PDS5A: variants seen among roughly 807,000 people sequenced by gnomAD.
PDS5A encodes PDS5 cohesin associated factor A, also known as sister chromatid cohesion protein PDS5 homolog A.
PDS5A carries 42 observed loss-of-function variants against 167.1 expected under a neutral mutation model. The observed-to-expected ratio is 0.25, with a 90% confidence interval of 0.20 to 0.33. The LOEUF (loss-of-function observed/expected upper bound fraction) is 0.33. PDS5A is among the 10% of genes least tolerant of loss of function. The probability of loss-of-function intolerance (pLI) is 1.00; values close to 1 mark genes in which losing one functional copy is unlikely to be tolerated. For synonymous variants in PDS5A, 553 were observed against 554.6 expected, an observed-to-expected ratio of 1.00 and a Z score of 0.04; for missense variants, 1,033 against 1,605.9, an observed-to-expected ratio of 0.64 and a Z score of 6.10.
intron 9 of PDS5A, among the ~76,000 whole-genome samples, chr4:39,911,395 CA>C (rs140894540): frequency 0.38 from 49,402 of 128,396 alleles, 8,948 homozygotes; most frequent in East Asian, 0.67. Flanking sequence ...GACTCCGTCT[CA>C]AAAAAAAAAA....
intron 22 of PDS5A, among the ~76,000 whole-genome samples, chr4:39,867,734 AC>A (rs1315978818): frequency 1.0e-3 from 2 of 1,960 alleles, no homozygotes; most frequent in Admixed American, 0.012. Context: ...AAAAACCAAA[AC>A]ACACACACAC....
intron 11 of PDS5A, among the ~76,000 whole-genome samples, chr4:39,906,127 A>G (rs1008471400): frequency 6.6e-6 from 1 of 152,154 alleles, no homozygotes; most frequent in East Asian, 1.9e-4. Flanking sequence ...TGGGAGGTGG[A>G]GGTGGAAGCA....
intron 22 of PDS5A, among the ~76,000 whole-genome samples, chr4:39,867,733 A>AAAACACAC (rs1289481633): frequency 8.4e-5 from 11 of 130,704 alleles, no homozygotes; most frequent in African/African-American, 3.7e-4. Context: ...AAAAAACCAA[A>AAAACACAC]ACACACACAC....
intron 32 of PDS5A, among the ~76,000 whole-genome samples, chr4:39,827,393 T>G (rs1715422394): frequency 6.6e-6 from 1 of 152,188 alleles, no homozygotes; most frequent in Non-Finnish European, 1.5e-5. Flanking sequence ...CACAGACTTC[T>G]GAAAGACCCA....
intron 2 of PDS5A, among the ~76,000 whole-genome samples, chr4:39,957,745 C>CA (rs1729079780): frequency 6.9e-6 from 1 of 145,130 alleles, no homozygotes; most frequent in African/African-American, 2.6e-5. Context: ...TGAGACTGTA[C>CA]CACTGCACTC....
intron 2 of PDS5A, among the ~76,000 whole-genome samples, chr4:39,929,807 G>C (rs1725841207): frequency 6.6e-6 from 1 of 150,542 alleles, no homozygotes; most frequent in African/African-American, 2.5e-5. Context: ...GTGCAGTGAA[G>C]CGATCTCAGC....
chr4:39,913,581 T>G, intron 9 of PDS5A, 30 bp downstream of exon 9: 1 of 1,230,476 alleles, frequency 8.1e-7, no homozygotes, highest in Non-Finnish European at 1.2e-6. Context: ...TTTTCTAAAA[T>G]ATAAACATCA....
intron 16 of PDS5A, among the ~76,000 whole-genome samples, chr4:39,894,087 C>T (rs895393024): frequency 3.9e-5 from 6 of 152,150 alleles, no homozygotes; most frequent in Admixed American, 1.3e-4. Flanking sequence ...AACTTTTAAG[C>T]GTTTTCAGCA....
rs774314366 is a variant in PDS5A, at chr4:39,917,029, G to T, written c.876+19C>A. 26 of 1,228,672 alleles carry T rather than the reference G, an allele frequency of 2.1e-5. No individual in the cohort carries two copies. Among genetic ancestry groups the T allele is most frequent in the Non-Finnish European group, 2.5e-5 (23 of 933,320 alleles). The allele number at this position is 1,228,672 out of a possible 1,614,324, so 76.1% of individuals were successfully genotyped here. A position where few individuals can be genotyped will look rare whatever the true frequency, so the allele number is the denominator to read the frequency against. Reference sequence around the variant, plus strand: ...AACAAAAAAATTAAAAAAAAAAAAAGAAAACTGGTCAATCTTACCTTTAGT... The same window carrying T: ...AACAAAAAAATTAAAAAAAAAAAAATAAAACTGGTCAATCTTACCTTTAGT... On this transcript the variant is annotated intron_variant, in intron 8 of 32. Transcript: ENST00000303538.
chr4:39,898,713 T>C (rs1722627418), intron 15 of PDS5A, 64 bp downstream of exon 15: 1 of 1,042,682 alleles, frequency 9.6e-7, no homozygotes, highest in African/African-American at 1.6e-5. Context: ...GTAGTCCCAC[T>C]GGGTAAATAC....
intron 31 of PDS5A, among the ~76,000 whole-genome samples, chr4:39,838,500 T>C (rs1716645028): frequency 6.6e-6 from 1 of 151,990 alleles, no homozygotes; most frequent in Non-Finnish European, 1.5e-5. Flanking sequence ...AGCGGGAGGA[T>C]CGCTTGAGCC....
intron 8 of PDS5A, among the ~76,000 whole-genome samples, chr4:39,915,343 A>ATTTTTTTTTTTTTTTTTTTTTT (rs3070904): frequency 1.1e-5 from 1 of 88,728 alleles, no homozygotes. Flanking sequence ...AACCGGCCTG[A>ATTTTTTTTTTTTTTTTTTTTTT]TTTTTTTTTT....
Position 39,826,135 on chromosome 4 carries a change from T to G in PDS5A, c.4011-647A>C, listed in dbSNP as rs571108000. On this transcript the variant is annotated intron_variant, in intron 32 of 32. Transcript: ENST00000303538. ...AATAACTTCTGACTCATGAGCTGGG[T>G]AAACATAAACGTTTTAGCATACTAA... 7.3e-5 allele frequency among the ~76,000 whole-genome samples: 11 copies of G among 151,708 alleles called. No individual in the cohort carries two copies. The South Asian group carries it at 2.3e-3, about 32-fold the overall frequency.
intron 2 of PDS5A, among the ~76,000 whole-genome samples, chr4:39,933,756 T>A (rs560012227): frequency 7.2e-5 from 11 of 152,238 alleles, no homozygotes; most frequent in African/African-American, 2.7e-4. Context: ...TTCCCTTTTT[T>A]AAATATGTCG....
intron 2 of PDS5A, among the ~76,000 whole-genome samples, chr4:39,935,509 A>G (rs1726511480): frequency 6.6e-6 from 1 of 152,212 alleles, no homozygotes; most frequent in South Asian, 2.1e-4. Flanking sequence ...GAGGTGTTCA[A>G]GCCTCATTTC....
At chr4:39,845,135 G>T (rs1003568648) in intron 29 of PDS5A, among the ~76,000 whole-genome samples, 1 of 152,112 alleles carries the variant, frequency 6.6e-6, no homozygotes, top group Non-Finnish European at 1.5e-5. Flanking sequence ...CTGAACCCAG[G>T]AGGTGAAGGT....
intron 28 of PDS5A, chr4:39,847,199 G>A (rs1463789466): frequency 3.9e-5 from 6 of 152,134 alleles, no homozygotes; most frequent in Admixed American, 3.9e-4. Flanking sequence ...TGACAAGTAG[G>A]AATTTAATTC....
At chr4:39,865,892 A>C (rs1455951293) in intron 23 of PDS5A, among the ~76,000 whole-genome samples, 1 of 152,238 alleles carries the variant, frequency 6.6e-6, no homozygotes, top group Non-Finnish European at 1.5e-5. Context: ...TATGTTGGTA[A>C]TCTTGGCCCC....
chr4:39,843,732 T>C (rs1717282162), intron 30 of PDS5A, among the ~76,000 whole-genome samples: 1 of 149,002 alleles, frequency 6.7e-6, no homozygotes, highest in African/African-American at 2.4e-5. Flanking sequence ...AGTATTTTGA[T>C]ATAAATTGGT....
Sources: gnomAD v4.1 joint callset for allele counts (sites outside exome capture counted in the v4.1 genomes callset) on GRCh38, gnomAD v4.1.1 for gene constraint, MANE v1.5 for transcripts, NCBI Gene and HGNC (gene_info 2026-07-23, HGNC 2026-07-21) for gene names.